TOX3: variants seen among roughly 807,000 people sequenced by gnomAD.
TOX3 encodes the protein CAG trinucleotide repeat-containing gene F9 protein.
Under a neutral mutation model 64.3 loss-of-function variants are expected in TOX3, and 22 were observed. That is an observed-to-expected ratio of 0.34 (90% CI 0.24 to 0.49). The LOEUF is 0.49. Ranked by LOEUF, TOX3 falls within the 20% of genes least tolerant of loss-of-function variation. The pLI is 0.99. For synonymous variants in TOX3, 291 were observed against 273.6 expected (o/e 1.06, Z -0.63); for missense variants, 661 against 714.4 (o/e 0.93, Z 0.85).
intron 1 of TOX3, among the ~76,000 whole-genome samples, chr16:52,516,329 A>C (rs1005238841): frequency 1.3e-5 from 2 of 152,212 alleles, no homozygotes; most frequent in Non-Finnish European, 2.9e-5. Context: ...TTCCCAATAT[A>C]CAGATAGACA....
intron 1 of TOX3, 54 bp from the exon 2 acceptor site, chr16:52,468,628 G>T: frequency 7.1e-7 from 1 of 1,399,060 alleles, no homozygotes; most frequent in Non-Finnish European, 1.0e-6. Flanking sequence ...AAGCATTCTG[G>T]CTGTGATTTG....
chr16:52,536,928 A>T (rs1450365159), intron 1 of TOX3, among the ~76,000 whole-genome samples: 1 of 151,520 alleles, frequency 6.6e-6, no homozygotes, highest in Non-Finnish European at 1.5e-5. Context: ...ATGAATCTTC[A>T]GCCATCTTCC....
intron 4 of TOX3, among the ~76,000 whole-genome samples, chr16:52,449,741 C>T (rs1960277280): frequency 6.6e-6 from 1 of 152,250 alleles, no homozygotes; most frequent in Non-Finnish European, 1.5e-5. Context: ...AAAAGTCATA[C>T]TGGAACACAG....
intron 1 of TOX3, among the ~76,000 whole-genome samples, chr16:52,469,571 C>T (rs543475608): frequency 1.3e-5 from 2 of 152,042 alleles, no homozygotes; most frequent in Non-Finnish European, 2.9e-5. Context: ...GTTTGATCTC[C>T]AAAGGGTGAA....
intron 1 of TOX3, among the ~76,000 whole-genome samples, chr16:52,524,597 C>A (rs144574966): frequency 6.6e-6 from 1 of 152,280 alleles, no homozygotes; most frequent in African/African-American, 2.4e-5. Flanking sequence ...CCACAGAGGG[C>A]TGAAAGGGAC....
At position 52,537,248 on chromosome 16, in the gene TOX3, G is replaced by T. The variant is rs141471583; in HGVS notation, c.87+9389C>A. The stretch of plus-strand genomic sequence containing the variant: ...CTAGTACCTACTCAATACAACCTAG[G>T]ATCTTTCACCAGACATTCTAGTGTC... On this transcript the variant is annotated intron_variant, in intron 1 of 6. Transcript: ENST00000219746. 1.3e-4 allele frequency among the ~76,000 whole-genome samples: 20 copies of T among 151,648 alleles called. 2 individuals are homozygous for T. In the East Asian group the frequency reaches 2.3e-3, roughly 18 times the overall value.
At chr16:52,535,930 T>A (rs2151487548) in intron 1 of TOX3, among the ~76,000 whole-genome samples, 1 of 152,348 alleles carries the variant, frequency 6.6e-6, no homozygotes, top group Non-Finnish European at 1.5e-5. Flanking sequence ...TCCAACTCCT[T>A]GAAAATGGAC....
intron 1 of TOX3, among the ~76,000 whole-genome samples, chr16:52,544,789 A>G (rs777875076): frequency 1.3e-5 from 2 of 152,124 alleles, no homozygotes; most frequent in African/African-American, 2.4e-5. Context: ...AACACCCCCA[A>G]TTTCCTCTGG....
intron 1 of TOX3, among the ~76,000 whole-genome samples, chr16:52,534,669 C>T (rs1326462835): frequency 6.6e-6 from 1 of 151,764 alleles, no homozygotes; most frequent in Non-Finnish European, 1.5e-5. Context: ...ATGGAAAAGG[C>T]CAGTAGACTG....
chr16:52,439,974 T>A lies in TOX3; in HGVS notation c.988-6A>T, dbSNP rs1302277835. 7.2e-6 allele frequency: 11 copies of A among 1,528,282 alleles called. No individual in the cohort carries two copies. Among genetic ancestry groups the A allele is most frequent in the South Asian group, 2.6e-5 (2 of 76,998 alleles). The allele number at this position is 1,528,282 out of a possible 1,614,324, so 94.7% of individuals were successfully genotyped here. The stretch of plus-strand genomic sequence containing the variant: ...TCTGCTGACTCAGCAGCAGCCTGCA[T>A]TTTGGGGGAGAAAATTCCAGACTGT... On this transcript the variant is annotated splice_region_variant and splice_polypyrimidine_tract_variant and intron_variant, in intron 6 of 6. Coordinates refer to ENST00000219746, the MANE Select transcript of TOX3 (RefSeq NM_001080430.4).
intron 5 of TOX3, chr16:52,444,561 CCACCCTCACTGGAG>C: frequency 2.5e-6 from 1 of 398,510 alleles, no homozygotes; most frequent in African/African-American, 2.1e-5. Context: ...CAGAACCCTG[CCACCCTCACTGGAG>C]CACAATTTTT....
chr16:52,519,475 C>A (rs1348078006), intron 1 of TOX3: 2 of 1,551,354 alleles, frequency 1.3e-6, no homozygotes, highest in Non-Finnish European at 1.7e-6. Flanking sequence ...GAGGTTGGCA[C>A]TTCATCCTCC....
chr16:52,536,676 T>TAC lies in TOX3; in HGVS notation c.87+9959_87+9960dup, dbSNP rs1172145324. ...ATATATATATATATATATATATATA[T>TAC]ACATGTGTATATATAGAACAAGATA... On this transcript the variant is annotated intron_variant, in intron 1 of 6. Coordinates refer to ENST00000219746, the MANE Select transcript of TOX3 (RefSeq NM_001080430.4). Among the ~76,000 whole-genome samples, 132 of 78,374 alleles carry TAC rather than the reference T, an allele frequency of 1.7e-3. 5 individuals are homozygous for TAC. Among genetic ancestry groups the TAC allele is most frequent in the African/African-American group, 5.9e-3 (128 of 21,698 alleles). 51.4% of individuals were successfully genotyped at this position (78,374 alleles called of 152,430 possible). A position where few individuals can be genotyped will look rare whatever the true frequency, so the allele number is the denominator to read the frequency against.
intron 1 of TOX3, among the ~76,000 whole-genome samples, chr16:52,533,241 T>C (rs1962886330): frequency 6.6e-6 from 1 of 152,186 alleles, no homozygotes; most frequent in Admixed American, 6.5e-5. Context: ...CCAGCATCAC[T>C]TGGGAATTTG....
In TOX3 at chr16:52,438,887, G is replaced by T. The variant is rs778469784; in HGVS notation, c.*338C>A. ...TGGAGAAATAAGGCCATTTTTCTAT[G>T]ACTCAGAGAGGCCAGTTTATAGTCA... On this transcript the variant is annotated 3_prime_UTR_variant, in exon 7 of 7. Coordinates refer to ENST00000219746, the MANE Select transcript of TOX3 (RefSeq NM_001080430.4). 1.7e-5 allele frequency: 9 copies of T among 526,084 alleles called. No homozygotes were observed. In the Middle Eastern group the frequency reaches 1.9e-3, roughly 111 times the overall value. 32.6% of individuals were successfully genotyped at this position (526,084 alleles called of 1,614,324 possible).
chr16:52,448,068 T>A (rs919774100), intron 4 of TOX3, among the ~76,000 whole-genome samples: 1 of 152,204 alleles, frequency 6.6e-6, no homozygotes, highest in Non-Finnish European at 1.5e-5. Flanking sequence ...ATCATTATTA[T>A]TTTTTAAGAA....
intron 1 of TOX3, among the ~76,000 whole-genome samples, chr16:52,528,919 A>C (rs918956162): frequency 6.6e-6 from 1 of 152,214 alleles, no homozygotes; most frequent in Non-Finnish European, 1.5e-5. Context: ...CCACTTTCTC[A>C]AAGGACAAAT....
chr16:52,461,637 T>C (rs979376409), intron 3 of TOX3, among the ~76,000 whole-genome samples: 8 of 152,164 alleles, frequency 5.3e-5, no homozygotes, highest in African/African-American at 1.9e-4. Flanking sequence ...TAATTCACCA[T>C]AGCAATCCTT....
intron 1 of TOX3, among the ~76,000 whole-genome samples, chr16:52,534,252 C>CA (rs1349644737): frequency 1.3e-5 from 2 of 152,014 alleles, no homozygotes; most frequent in Non-Finnish European, 1.5e-5. Context: ...AAGGCTGACA[C>CA]AAAAAATACA....
Sources: gnomAD v4.1 joint callset for allele counts (sites outside exome capture counted in the v4.1 genomes callset) on GRCh38, gnomAD v4.1.1 for gene constraint, MANE v1.5 for transcripts, NCBI Gene and HGNC (gene_info 2026-07-23, HGNC 2026-07-21) for gene names.